CENPF: variants seen among roughly 807,000 people sequenced by gnomAD.
The protein encoded by CENPF is centromere protein F, also known as AH antigen.
CENPF carries 214 observed loss-of-function variants against 307.3 expected under a neutral mutation model. The observed-to-expected ratio is 0.70, with a 90% CI of 0.62 to 0.78. The LOEUF (loss-of-function observed/expected upper bound fraction) is 0.78. CENPF is among the 30% of genes least tolerant of loss of function. CENPF has a pLI of 0.00. For synonymous variants in CENPF, 1,259 were observed against 1,270.6 expected (o/e 0.99, Z 0.19); for missense variants, 3,401 against 3,483.9 (o/e 0.98, Z 0.60).
At position 214,605,821 on chromosome 1, in the gene CENPF, G is replaced by A. The variant is rs533292663; in HGVS notation, c.-42+2500G>A. 31 of 1,593,268 alleles carry A rather than the reference G, an allele frequency of 1.9e-5. No individual in the cohort carries two copies. In the East Asian group the frequency reaches 6.7e-4, roughly 34 times the overall value. On this transcript the variant is annotated intron_variant, in intron 1 of 19. Transcript: ENST00000366955. ...GGCAGCGCTCGTAGAGCGCCAGCCC[G>A]TGCGAGAAGTCGATCACCTCGTCCT...
chr1:214,627,437 A>G (rs1445130822), intron 7 of CENPF, among the ~76,000 whole-genome samples: 1 of 134,024 alleles, frequency 7.5e-6, no homozygotes, highest in Middle Eastern at 4.4e-3. Context: ...GCAATGGTGC[A>G]ATCTTGGCTC....
At chr1:214,658,818 G>A in intron 18 of CENPF, 32 bp from the exon 19 acceptor site, 1 of 1,605,326 alleles carries the variant, frequency 6.2e-7, no homozygotes, top group Non-Finnish European at 8.5e-7. Flanking sequence ...ATTGGACCTA[G>A]CAGTGCTGAC....
At chr1:214,609,252 G>A (rs903327328) in intron 1 of CENPF, among the ~76,000 whole-genome samples, 8 of 152,118 alleles carry the variant, frequency 5.3e-5, no homozygotes, top group African/African-American at 1.9e-4. Flanking sequence ...TGTCTTTCCT[G>A]GTCAGTGTCT....
intron 1 of CENPF, among the ~76,000 whole-genome samples, chr1:214,611,531 A>G (rs911464380): frequency 3.3e-5 from 5 of 152,002 alleles, no homozygotes; most frequent in Non-Finnish European, 5.9e-5. Context: ...ACACCCAGCT[A>G]ATCTTTGTAT....
At position 214,618,662 on chromosome 1, in the gene CENPF, C is replaced by T; in HGVS notation, c.449C>T (p.Thr150Ile). The T allele has an allele frequency of 1.2e-6, 2 of 1,613,988 alleles. No homozygotes were observed. Among genetic ancestry groups the T allele is most frequent in the East Asian group, 2.2e-5 (1 of 44,872 alleles). Residue 150 changes from threonine to isoleucine, a missense_variant, in exon 4 of 20, where the codon ACA (threonine) becomes ATA (isoleucine). By Grantham distance (89) the Thr-to-Ile change is moderately conservative. Coordinates refer to ENST00000366955, the MANE Select transcript of CENPF (RefSeq NM_016343.4). ...TGCAATACACCACAAAAAATTTTTA[C>T]AACTCCACTAACACCAAGTCAATAT... Reference protein sequence around the residue: ...NPCNTPQKIFTTPLTPSQYYS... With the variant: ...NPCNTPQKIFITPLTPSQYYS...
chr1:214,643,410 T>G (rs1658192144), intron 12 of CENPF, 86 bp downstream of exon 12: 6 of 1,161,796 alleles, frequency 5.2e-6, no homozygotes, highest in Admixed American at 2.9e-5. Flanking sequence ...AAATGTACAT[T>G]AAACCTAAGT....
chr1:214,617,408 T>C (rs1207158214), intron 3 of CENPF, among the ~76,000 whole-genome samples: 1 of 152,190 alleles, frequency 6.6e-6, no homozygotes, highest in African/African-American at 2.4e-5. Context: ...GTGCACACCA[T>C]TAGCCATTCT....
chr1:214,616,831 CTTCCTCTTTCTTTCTTTCTTTCTTTCTT>C (rs1657352186), intron 3 of CENPF, among the ~76,000 whole-genome samples: 7 of 145,414 alleles, frequency 4.8e-5, no homozygotes, highest in Non-Finnish European at 7.5e-5. Flanking sequence ...TCTTTCCTTC[CTTCCTCTTTCTTTCTTTCTTTCTTTCTT>C]TCTTTCTTTC....
rs1658073488 is a variant in CENPF at position 214,640,276 on chromosome 1, C to T, written c.1938C>T (p.His646=). 4.3e-6 allele frequency: 7 copies of T among 1,613,936 alleles called. No homozygotes were observed. The highest frequency in any genetic ancestry group is 5.9e-6 in the Non-Finnish European group (7 of 1,179,982). Residue 646 remains histidine (H), a synonymous_variant, in exon 12 of 20, where the codon CAC becomes CAT. Transcript: ENST00000366955. ...AAAACTTGCAGAGTAAAATTAATCA[C>T]TTGGAAACTTGTCTGAAGACACAGC... ...EKENLQSKIN[H]LETCLKTQQI...
Position 214,632,582 on chromosome 1 carries a change from G to A in CENPF, c.1426G>A (p.Glu476Lys). Reference protein sequence around the residue: ...AFQASQIKENELRRSMEEMKK... With the variant: ...AFQASQIKENKLRRSMEEMKK... ...CCAGGCGAGTCAGATCAAGGAGAATGAGCTGAGGAGAAGCATGGAGGTAAG... is the reference window on the plus strand; with the variant it reads ...CCAGGCGAGTCAGATCAAGGAGAATAAGCTGAGGAGAAGCATGGAGGTAAG... The change falls in exon 10 of 20, where the codon GAG (glutamate) becomes AAG (lysine). Residue 476 changes from glutamate to lysine, a missense_variant. Physicochemically the swap from Glu to Lys is moderately conservative, Grantham distance 56 (BLOSUM62 1). Coordinates refer to ENST00000366955, the MANE Select transcript of CENPF (RefSeq NM_016343.4). 6.2e-7 allele frequency: 1 copy of A among 1,614,016 alleles called. No individual in the cohort carries two copies. The highest frequency in any genetic ancestry group is 1.1e-5 in the South Asian group (1 of 91,048).
At position 214,622,291 on chromosome 1, in the gene CENPF, T is replaced by A; in HGVS notation, c.1068+10T>A. The A allele has an allele frequency of 1.9e-6, 3 of 1,578,896 alleles. No homozygotes were observed. Among genetic ancestry groups the A allele is most frequent in the Non-Finnish European group, 2.6e-6 (3 of 1,162,542 alleles). ...CCAGGCGTCAACCAAGGTACTTGAC[T>A]TTTCGTGAATTACTGGAGAAATCTT... On this transcript the variant is annotated intron_variant, in intron 7 of 19. Coordinates refer to ENST00000366955, the MANE Select transcript of CENPF (RefSeq NM_016343.4).
chr1:214,638,792 A>C (rs550201285), intron 11 of CENPF, among the ~76,000 whole-genome samples: 2 of 152,382 alleles, frequency 1.3e-5, no homozygotes, highest in African/African-American at 4.8e-5. Context: ...CGACAGAGCG[A>C]GACTCCATCT....
rs770604229 is a variant in CENPF, at chr1:214,652,917, G to A, written c.8250G>A (p.Lys2750=). 2 of 1,608,586 alleles carry A rather than the reference G, an allele frequency of 1.2e-6. No homozygotes were observed. The highest frequency in any genetic ancestry group is 1.1e-5 in the South Asian group (1 of 89,428). Residue 2750 remains lysine (K), a synonymous_variant, in exon 16 of 20, where the codon AAG becomes AAA. Transcript: ENST00000366955. ...SSQKLEIDLL[K]SSKEELNNSL... is the part of the protein sequence containing the mutation. Reference sequence around the variant, plus strand: ...AGAAGCTGGAGATAGACCTTTTAAAGTCTAGTAAAGAAGAGCTCAATAATT... The same window carrying A: ...AGAAGCTGGAGATAGACCTTTTAAAATCTAGTAAAGAAGAGCTCAATAATT...
chr1:214,630,434 G>GTGCTCT, intron 8 of CENPF, 100 bp from the exon 9 acceptor site: 1 of 1,429,600 alleles, frequency 7.0e-7, no homozygotes, highest in Non-Finnish European at 9.6e-7. Flanking sequence ...GCTGTCTCCT[G>GTGCTCT]TGCTCTCTGT....
chr1:214,613,961 A>G (rs372860378), intron 2 of CENPF, 45 bp downstream of exon 2: 33 of 1,522,860 alleles, frequency 2.2e-5, no homozygotes, highest in South Asian at 1.8e-4. Context: ...CTCATTATTG[A>G]CAGAGAAGTG....
intron 11 of CENPF, among the ~76,000 whole-genome samples, chr1:214,638,862 A>G (rs1658031123): frequency 6.6e-6 from 1 of 152,240 alleles, no homozygotes; most frequent in Admixed American, 6.5e-5. Context: ...GTTTTTCCAC[A>G]GCAGCAGATA....
At position 214,644,573 on chromosome 1, in the gene CENPF, A is replaced by G. The variant is rs1237706109; in HGVS notation, c.5003A>G (p.Asn1668Ser). 1.9e-5 allele frequency: 31 copies of G among 1,595,588 alleles called. No homozygotes were observed. Among genetic ancestry groups the G allele is most frequent in the Non-Finnish European group, 2.6e-5 (30 of 1,170,834 alleles). Reference sequence around the variant, plus strand: ...TAATTACAGGCTATTCAAGGCCGAAATGAGAGCTGTGACATATCAAAAGAA... The same window carrying G: ...TAATTACAGGCTATTCAAGGCCGAAGTGAGAGCTGTGACATATCAAAAGAA... Reference protein sequence around the residue: ...IDTEDAIQGRNESCDISKEHT... With the variant: ...IDTEDAIQGRSESCDISKEHT... The change falls in exon 13 of 20, where the codon AAT becomes AGT. Residue 1668 changes from asparagine (N) to serine (S), a missense_variant. Physicochemically the swap from Asn to Ser is conservative, Grantham distance 46. Transcript: ENST00000366955.
Position 214,620,961 on chromosome 1 carries a change from A to G in CENPF, c.865+15A>G. Reference sequence around the variant, plus strand: ...GCAGAATCAAGGTAACATTGAGCTAAGTTAAGTTTAAATTCACTTTGCTTG... The same window carrying G: ...GCAGAATCAAGGTAACATTGAGCTAGGTTAAGTTTAAATTCACTTTGCTTG... On this transcript the variant is annotated intron_variant, in intron 6 of 19. Transcript: ENST00000366955. 1 of 1,579,056 alleles carries G rather than the reference A, an allele frequency of 6.3e-7. No individual in the cohort carries two copies. The highest frequency in any genetic ancestry group is 8.6e-7 in the Non-Finnish European group (1 of 1,164,850).
chr1:214,657,084 G>A lies in CENPF; in HGVS notation c.8637G>A (p.Glu2879=). 2 of 1,614,160 alleles carry A rather than the reference G, an allele frequency of 1.2e-6. No individual in the cohort carries two copies. The highest frequency in any genetic ancestry group is 1.7e-6 in the Non-Finnish European group (2 of 1,180,022). The part of the protein sequence containing the change: ...ISHEKLEKAK[E]MLETQVAHLC... ...ATGAAAAGTTAGAGAAAGCTAAAGA[G>A]ATGTTAGAGACACAAGTGGCCCATC... Residue 2879 remains glutamate, a synonymous_variant, in exon 18 of 20, where the codon GAG becomes GAA. Transcript: ENST00000366955.
Sources: allele counts gnomAD v4.1 joint callset (sites outside exome capture counted in the v4.1 genomes callset), GRCh38; gene constraint gnomAD v4.1.1; transcripts MANE v1.5; gene names NCBI Gene and HGNC (gene_info 2026-07-23, HGNC 2026-07-21).